Variants in GALNTL6 observed in about 807,000 individuals in gnomAD.
The protein encoded by GALNTL6 is polypeptide N-acetylgalactosaminyltransferase like 6, also known as polypeptide N-acetylgalactosaminyltransferase-like 6.
Under a neutral mutation model 73.7 loss-of-function variants are expected in GALNTL6, and 46 were observed. The ratio of observed to expected loss-of-function variants is 0.62; its 90% confidence interval spans 0.49 to 0.80. The LOEUF is 0.80. GALNTL6 is among the 30% of genes least tolerant of loss of function. The pLI, the probability that GALNTL6 is intolerant of heterozygous loss-of-function variation, is 0.00. For synonymous variants in GALNTL6, 259 were observed against 263.7 expected, an observed-to-expected ratio of 0.98 and a Z score of 0.17; for missense variants, 604 against 755.0, an observed-to-expected ratio of 0.80 and a Z score of 2.34.
intron 5 of GALNTL6, among the ~76,000 whole-genome samples, chr4:172,487,635 G>A (rs561298985): frequency 2.6e-5 from 4 of 152,026 alleles, no homozygotes; most frequent in South Asian, 2.1e-4. Flanking sequence ...TGATCTGCCC[G>A]CCTCAGCCTC....
chr4:172,871,505 G>A (rs998794296), intron 7 of GALNTL6, among the ~76,000 whole-genome samples: 1 of 151,490 alleles, frequency 6.6e-6, no homozygotes, highest in Non-Finnish European at 1.5e-5. Flanking sequence ...AAATGTCATA[G>A]ACTTATGCAT....
chr4:172,525,846 G>C (rs1315768639), intron 5 of GALNTL6, among the ~76,000 whole-genome samples: 1 of 152,142 alleles, frequency 6.6e-6, no homozygotes, highest in East Asian at 1.9e-4. Flanking sequence ...CTGGGTGACA[G>C]AGCAAGACCC....
chr4:172,783,257 G>A (rs28550329), intron 5 of GALNTL6, among the ~76,000 whole-genome samples: 78,841 of 149,904 alleles, frequency 0.53, 21,434 homozygotes, highest in East Asian at 0.78. Context: ...CTATGTTCAT[G>A]GATTTGGAAG....
At chr4:172,151,905 AAAATATAT>A (rs1294296841) in intron 2 of GALNTL6, among the ~76,000 whole-genome samples, 7 of 149,776 alleles carry the variant, frequency 4.7e-5, no homozygotes, top group Non-Finnish European at 8.9e-5. Context: ...TGTATATATA[AAAATATAT>A]ATCTATAATC....
At chr4:172,212,558 C>A (rs1736360695) in intron 2 of GALNTL6, among the ~76,000 whole-genome samples, 1 of 152,154 alleles carries the variant, frequency 6.6e-6, no homozygotes. Context: ...TCCATGATAA[C>A]AGTATAATAT....
intron 3 of GALNTL6, among the ~76,000 whole-genome samples, chr4:172,263,065 T>G (rs1738313085): frequency 6.6e-6 from 1 of 151,546 alleles, no homozygotes; most frequent in Admixed American, 6.6e-5. Context: ...TTCCTTCATC[T>G]TGATTTTAGA....
At chr4:171,935,101 A>G (rs964069472) in intron 2 of GALNTL6, among the ~76,000 whole-genome samples, 2 of 152,144 alleles carry the variant, frequency 1.3e-5, no homozygotes, top group Admixed American at 6.5e-5. Flanking sequence ...TGCCAGTAGT[A>G]AGTACCCTAA....
intron 5 of GALNTL6, among the ~76,000 whole-genome samples, chr4:172,435,264 A>G (rs537467076): frequency 6.6e-6 from 1 of 152,218 alleles, no homozygotes; most frequent in South Asian, 2.1e-4. Context: ...GTTGCCCACA[A>G]AGCACCTAGA....
chr4:172,651,216 G>A (rs1213590803), intron 5 of GALNTL6, among the ~76,000 whole-genome samples: 1 of 152,170 alleles, frequency 6.6e-6, no homozygotes, highest in African/African-American at 2.4e-5. Context: ...AAGCCATGGA[G>A]TTTACAGTGA....
chr4:171,981,069 T>C (rs542130678), intron 2 of GALNTL6, among the ~76,000 whole-genome samples: 1 of 152,284 alleles, frequency 6.6e-6, no homozygotes, highest in East Asian at 1.9e-4. Flanking sequence ...TTTGCCAAGG[T>C]TTAGGATGCC....
At chr4:172,265,959 A>C (rs1221881743) in intron 3 of GALNTL6, among the ~76,000 whole-genome samples, 1 of 152,092 alleles carries the variant, frequency 6.6e-6, no homozygotes, top group East Asian at 1.9e-4. Context: ...TCCACATTAA[A>C]ATTTATTTTC....
At chr4:172,290,986 C>T (rs939107456) in intron 3 of GALNTL6, among the ~76,000 whole-genome samples, 4 of 151,966 alleles carry the variant, frequency 2.6e-5, no homozygotes, top group African/African-American at 9.6e-5. Context: ...AGCCACACTG[C>T]TTATGTATAC....
chr4:172,241,546 A>G (rs1189310956), intron 3 of GALNTL6, among the ~76,000 whole-genome samples: 1 of 152,226 alleles, frequency 6.6e-6, no homozygotes, highest in African/African-American at 2.4e-5. Context: ...ATTATTTCAT[A>G]ATCTTACACT....
intron 5 of GALNTL6, among the ~76,000 whole-genome samples, chr4:172,372,539 A>G (rs912411252): frequency 6.6e-5 from 10 of 152,118 alleles, no homozygotes; most frequent in Admixed American, 2.6e-4. Flanking sequence ...TACTACATCA[A>G]TTTCCTTACT....
intron 10 of GALNTL6, among the ~76,000 whole-genome samples, chr4:172,999,773 A>G (rs1227487855): frequency 6.6e-6 from 1 of 151,050 alleles, no homozygotes; most frequent in Non-Finnish European, 1.5e-5. Flanking sequence ...CATATTATAT[A>G]TATATATATA....
At chr4:171,827,398 C>T (rs150287009) in intron 2 of GALNTL6, among the ~76,000 whole-genome samples, 3 of 152,264 alleles carry the variant, frequency 2.0e-5, no homozygotes, top group African/African-American at 7.2e-5. Context: ...TCTCAAGGCT[C>T]AGAAAATTTA....
intron 7 of GALNTL6, among the ~76,000 whole-genome samples, chr4:172,870,473 C>T (rs1388044966): frequency 2.6e-5 from 4 of 152,138 alleles, no homozygotes; most frequent in African/African-American, 4.8e-5. Flanking sequence ...GGCAAAGAAT[C>T]CGTTTCTTCT....
intron 9 of GALNTL6, among the ~76,000 whole-genome samples, chr4:172,948,610 C>T (rs537516013): frequency 2.1e-5 from 3 of 144,498 alleles, no homozygotes; most frequent in South Asian, 4.5e-4. Flanking sequence ...CTGCCACCAG[C>T]CTCGCTAATT....
At chr4:172,166,045 AT>A (rs1177645076) in intron 2 of GALNTL6, among the ~76,000 whole-genome samples, 15 of 152,270 alleles carry the variant, frequency 9.9e-5, no homozygotes, top group African/African-American at 3.4e-4. Context: ...GTCTCATGTC[AT>A]CATAAAAGAC....
Sources: gnomAD v4.1 joint callset for allele counts (sites outside exome capture counted in the v4.1 genomes callset) on GRCh38, gnomAD v4.1.1 for gene constraint, MANE v1.5 for transcripts, NCBI Gene and HGNC (gene_info 2026-07-23, HGNC 2026-07-21) for gene names.